HEATR6: variants seen among roughly 807,000 people sequenced by gnomAD.
The protein encoded by HEATR6 is HEAT repeat containing 6.
Under a neutral mutation model 132.8 loss-of-function variants are expected in HEATR6, and 106 were observed. The observed-to-expected ratio is 0.80, with a 90% CI of 0.68 to 0.94. The LOEUF is 0.94. Among genes scored for constraint, HEATR6 ranks in the 40% least tolerant of loss-of-function variants. The probability of loss-of-function intolerance (pLI) is 0.00; values close to 1 mark genes in which losing one functional copy is unlikely to be tolerated. For synonymous variants in HEATR6, 529 were observed against 537.8 expected, an observed-to-expected ratio of 0.98 and a Z score of 0.23; for missense variants, 1,339 against 1,425.1, an observed-to-expected ratio of 0.94 and a Z score of 0.97.
chr17:60,051,863 G>C (rs1223641943), intron 14 of HEATR6, among the ~76,000 whole-genome samples: 4 of 152,180 alleles, frequency 2.6e-5, no homozygotes, highest in Non-Finnish European at 5.9e-5. Flanking sequence ...TGGACAAAAA[G>C]TGGTTGCCAG....
chr17:60,049,049 G>T (rs2145181889), intron 16 of HEATR6, among the ~76,000 whole-genome samples: 3 of 106,860 alleles, frequency 2.8e-5, no homozygotes, highest in Admixed American at 2.1e-4. Flanking sequence ...TATATATATG[G>T]TAATGCCTGT....
Position 60,043,342 on chromosome 17 carries a change from T to C in HEATR6, c.*221A>G, listed in dbSNP as rs891646732. ...ACAACCTGACTCCTCGGCTCCTGGA[T>C]GCACAGGTCAGATGTTCCAACAACC... is the stretch of plus-strand genomic sequence containing the variant. On this transcript the variant is annotated 3_prime_UTR_variant, in exon 20 of 20. Coordinates refer to ENST00000184956, the MANE Select transcript of HEATR6 (RefSeq NM_022070.5). 5 of 527,482 alleles carry C rather than the reference T, an allele frequency of 9.5e-6. No individual in the cohort carries two copies. The African/African-American group carries it at 9.5e-5, about 10-fold the overall frequency. 32.7% of individuals were successfully genotyped at this position (527,482 alleles called of 1,614,324 possible).
chr17:60,056,125 T>C lies in HEATR6; in HGVS notation c.2192A>G (p.His731Arg), dbSNP rs773788680. Reference sequence around the variant, plus strand: ...TTTGATGAAAATTACCTTTGCTCCATGAAGCTGAATGGATGGATCTGCTTC... The same window carrying C: ...TTTGATGAAAATTACCTTTGCTCCACGAAGCTGAATGGATGGATCTGCTTC... ...MGEADPSIQL[H>R]GAKLLEELGT... The change falls in exon 13 of 20, where the codon CAT (histidine) becomes CGT (arginine). Residue 731 changes from histidine (H) to arginine (R), a missense_variant. His to Arg is a conservative substitution (Grantham distance 29, BLOSUM62 0). Coordinates refer to ENST00000184956, the MANE Select transcript of HEATR6 (RefSeq NM_022070.5). The C allele has an allele frequency of 3.1e-6, 5 of 1,613,888 alleles. No homozygotes were observed. Among genetic ancestry groups the C allele is most frequent in the Non-Finnish European group, 4.2e-6 (5 of 1,179,948 alleles).
chr17:60,045,830 A>G (rs548889919), intron 19 of HEATR6, among the ~76,000 whole-genome samples, 195 bp downstream of exon 19: 3 of 152,366 alleles, frequency 2.0e-5, no homozygotes, highest in African/African-American at 7.2e-5. Flanking sequence ...TTAAATGGCA[A>G]CAAAATATCC....
intron 14 of HEATR6, 109 bp from the exon 15 acceptor site, chr17:60,051,086 C>A: frequency 8.3e-7 from 1 of 1,202,070 alleles, no homozygotes. Flanking sequence ...CTTAAAGTAG[C>A]AGCTTTCTGT....
Position 60,070,754 on chromosome 17 carries a change from C to T in HEATR6, c.753G>A (p.Met251Ile), listed in dbSNP as rs765000282. 1.9e-6 allele frequency: 3 copies of T among 1,611,134 alleles called. No homozygotes were observed. Among genetic ancestry groups the T allele is most frequent in the Non-Finnish European group, 2.5e-6 (3 of 1,177,356 alleles). The change falls in exon 6 of 20, where the codon ATG becomes ATA. Residue 251 changes from methionine (M) to isoleucine (I), a missense_variant. Coordinates refer to ENST00000184956, the MANE Select transcript of HEATR6 (RefSeq NM_022070.5). ...CAAGTTCATCAGTCTGTGTTAGTTTCATTCTCCCACCATTTAGAAGTGACT... is the reference window on the plus strand; with the variant it reads ...CAAGTTCATCAGTCTGTGTTAGTTTTATTCTCCCACCATTTAGAAGTGACT... ...GIQSLLNGGR[M>I]KLTQTDELGA...
intron 17 of HEATR6, 83 bp from the exon 18 acceptor site, chr17:60,047,488 A>G: frequency 1.6e-6 from 1 of 644,906 alleles, no homozygotes; most frequent in Non-Finnish European, 2.5e-6. Flanking sequence ...CAATTAGTAT[A>G]AGCCTAAAAG....
rs181665171 is a variant in HEATR6 at position 60,059,638 on chromosome 17, T to C, written c.1624-117A>G. 6.5e-4 allele frequency: 443 copies of C among 682,356 alleles called. 1 individual carries two copies. The highest frequency in any genetic ancestry group is 9.6e-4 in the Middle Eastern group (3 of 3,110). The allele number at this position is 682,356 out of a possible 1,614,324, so 42.3% of individuals were successfully genotyped here. A position where few individuals can be genotyped will look rare whatever the true frequency, so the allele number is the denominator to read the frequency against. ...TCACACAACTAAAAATTAGCCCCCC[T>C]TTTTTTTAATAACACTTGTATTCTC... On this transcript the variant is annotated intron_variant, in intron 10 of 19. Transcript: ENST00000184956.
chr17:60,061,102 A>T (rs181175268), intron 9 of HEATR6, among the ~76,000 whole-genome samples: 3 of 152,346 alleles, frequency 2.0e-5, no homozygotes, highest in Admixed American at 6.5e-5. Context: ...CAGCTCATCC[A>T]AAAATGATAA....
In HEATR6 at chr17:60,067,624, T is replaced by C; in HGVS notation, c.1048A>G (p.Arg350Gly). The C allele has an allele frequency of 6.2e-7, 1 of 1,612,626 alleles. No homozygotes were observed. Among genetic ancestry groups the C allele is most frequent in the East Asian group, 2.2e-5 (1 of 44,826 alleles). Residue 350 changes from arginine (R) to glycine (G), a missense_variant, in exon 8 of 20, where the codon AGA becomes GGA. Coordinates refer to ENST00000184956, the MANE Select transcript of HEATR6 (RefSeq NM_022070.5). Reference sequence around the variant, plus strand: ...GTGTTCCCTTCATGCAGGTTCACTCTGCCTGTGCCAGTGACTGGGGCTGCC... The same window carrying C: ...GTGTTCCCTTCATGCAGGTTCACTCCGCCTGTGCCAGTGACTGGGGCTGCC... ...IEAAPVTGTG[R>G]VNLHEGNTWC...
intron 1 of HEATR6, 78 bp downstream of exon 1, chr17:60,078,618 G>A: frequency 8.8e-7 from 1 of 1,137,982 alleles, no homozygotes. Context: ...GAAGATCAGG[G>A]AAAGGCAGGC....
chr17:60,060,810 C>T (rs939923082), intron 9 of HEATR6, among the ~76,000 whole-genome samples: 2 of 152,124 alleles, frequency 1.3e-5, no homozygotes, highest in African/African-American at 4.8e-5. Flanking sequence ...ATAACACTGC[C>T]TGCAGTGACA....
Position 60,057,049 on chromosome 17 carries a change from T to C in HEATR6, c.2078A>G (p.Gln693Arg), listed in dbSNP as rs2018670463. Reference sequence around the variant, plus strand: ...AGATGAGGAAATGAAATCTCCTACCTGTAAGGCCTCCAGTCGCATGGGGGA... The same window carrying C: ...AGATGAGGAAATGAAATCTCCTACCCGTAAGGCCTCCAGTCGCATGGGGGA... ...EPSPMRLEAL[Q>R]VLTLLARGYF... is the part of the protein sequence containing the mutation. Residue 693 changes from glutamine to arginine, a missense_variant and splice_region_variant, in exon 12 of 20, where the codon CAG (glutamine) becomes CGG (arginine). By Grantham distance (43) the Gln-to-Arg change is conservative. Transcript: ENST00000184956. 1 of 1,579,940 alleles carries C rather than the reference T, an allele frequency of 6.3e-7. No homozygotes were observed. Among genetic ancestry groups the C allele is most frequent in the African/African-American group, 1.4e-5 (1 of 73,762 alleles).
intron 14 of HEATR6, 38 bp from the exon 15 acceptor site, chr17:60,051,015 A>G: frequency 1.2e-6 from 2 of 1,607,630 alleles, no homozygotes; most frequent in Non-Finnish European, 1.7e-6. Context: ...AGCCCAAGAC[A>G]TAACAGGGGA....
At chr17:60,075,028 G>A (rs2083289573) in intron 2 of HEATR6, among the ~76,000 whole-genome samples, 1 of 152,216 alleles carries the variant, frequency 6.6e-6, no homozygotes, top group South Asian at 2.1e-4. Context: ...CCATCCTCCT[G>A]CTTAAAGACT....
intron 9 of HEATR6, among the ~76,000 whole-genome samples, chr17:60,062,554 C>T (rs1233134044): frequency 6.6e-6 from 1 of 152,182 alleles, no homozygotes; most frequent in Non-Finnish European, 1.5e-5. Flanking sequence ...TGTTTGGTCT[C>T]AGAATATTTC....
intron 11 of HEATR6, among the ~76,000 whole-genome samples, chr17:60,058,999 A>G (rs932978128): frequency 6.6e-6 from 1 of 152,244 alleles, no homozygotes; most frequent in African/African-American, 2.4e-5. Context: ...ACAATAAAGA[A>G]GTTAAATTTT....
chr17:60,054,185 C>T (rs907946281), intron 14 of HEATR6, among the ~76,000 whole-genome samples: 2 of 152,240 alleles, frequency 1.3e-5, no homozygotes, highest in Non-Finnish European at 2.9e-5. Context: ...GCCCCAGATA[C>T]TGCTCGGTTT....
In HEATR6 at chr17:60,059,280, A is replaced by G. The variant is rs1598911555; in HGVS notation, c.1723+142T>C. 9.6e-6 allele frequency: 5 copies of G among 519,922 alleles called. No individual in the cohort carries two copies. The East Asian group carries it at 1.3e-4, about 14-fold the overall frequency. 32.2% of individuals were successfully genotyped at this position (519,922 alleles called of 1,614,324 possible). ...TTCTTGCAACAGCTTATACCCCTGAAAAGTTGAGAAGAATAAGCAGAGATC... is the reference window on the plus strand; with the variant it reads ...TTCTTGCAACAGCTTATACCCCTGAGAAGTTGAGAAGAATAAGCAGAGATC... On this transcript the variant is annotated intron_variant, in intron 11 of 19. Transcript: ENST00000184956.
Sources: gnomAD v4.1 joint callset for allele counts (sites outside exome capture counted in the v4.1 genomes callset) on GRCh38, gnomAD v4.1.1 for gene constraint, MANE v1.5 for transcripts, NCBI Gene and HGNC (gene_info 2026-07-23, HGNC 2026-07-21) for gene names.